The following NME8 variants were observed in gnomAD, a reference collection of about 807,000 sequenced individuals.
NME8 encodes NME/NM23 family member 8.
Under a neutral mutation model 82.3 loss-of-function variants are expected in NME8, and 72 were observed. The observed-to-expected ratio is 0.87, with a 90% CI of 0.72 to 1.06. NME8 has a LOEUF of 1.06. Ranked by LOEUF, NME8 falls within the 50% of genes least tolerant of loss-of-function variation. NME8 has a pLI of 0.00. For synonymous variants in NME8, 267 were observed against 228.5 expected, an observed-to-expected ratio of 1.17 and a Z score of -1.52; for missense variants, 712 against 685.4, an observed-to-expected ratio of 1.04 and a Z score of -0.43.
intron 12 of NME8, among the ~76,000 whole-genome samples, chr7:37,882,568 A>AAAGG (rs1784966196): frequency 5.9e-5 from 2 of 34,018 alleles, no homozygotes; most frequent in Non-Finnish European, 1.3e-4. Context: ...AGAAAGAAAG[A>AAAGG]AAGAAAGAAA....
At chr7:37,895,693 T>C (rs1190665883) in intron 16 of NME8, among the ~76,000 whole-genome samples, 1 of 152,048 alleles carries the variant, frequency 6.6e-6, no homozygotes, top group Non-Finnish European at 1.5e-5. Context: ...TGTACAGCAG[T>C]AGTCCCATAA....
Position 37,897,004 on chromosome 7 carries a change from A to G in NME8, c.1679A>G (p.Lys560Arg), listed in dbSNP as rs370675334. The G allele has an allele frequency of 6.2e-7, 1 of 1,613,978 alleles. No individual in the cohort carries two copies. The highest frequency in any genetic ancestry group is 1.7e-5 in the Admixed American group (1 of 59,974). ...DSIRAQFGIS[K>R]LKNIVHGASN... ...ATCCGAGCCCAGTTTGGAATAAGTA[A>G]ATTGAAAAACATTGTCCATGGAGCA... Residue 560 changes from lysine to arginine, a missense_variant, in exon 17 of 18, where the codon AAA becomes AGA. Transcript: ENST00000199447.
In NME8 at chr7:37,882,613, GAGAA is replaced by G. The variant is rs1170328713; in HGVS notation, c.995-1662_995-1659del. Among the ~76,000 whole-genome samples the G allele has an allele frequency of 6.6e-3, 565 of 84,996 alleles. 9 individuals are homozygous for G. The highest frequency in any genetic ancestry group is 0.019 in the African/African-American group (517 of 27,650). The allele number at this position is 84,996 out of a possible 152,430, so 55.8% of individuals were successfully genotyped here. A position where few individuals can be genotyped will look rare whatever the true frequency, so the allele number is the denominator to read the frequency against. ...AAAGAAAGAAAGAGAGAGAGAGAGA[GAGAA>G]AGAAAGAAAGAAAGAAAGAAAGAAA... is the stretch of plus-strand genomic sequence containing the variant. On this transcript the variant is annotated intron_variant, in intron 12 of 17. Transcript: ENST00000199447.
chr7:37,871,248 T>C (rs764490689), intron 11 of NME8, among the ~76,000 whole-genome samples: 1 of 152,058 alleles, frequency 6.6e-6, no homozygotes, highest in Non-Finnish European at 1.5e-5. Context: ...GGGGAAACTC[T>C]CTCCATGCCA....
intron 11 of NME8, among the ~76,000 whole-genome samples, chr7:37,870,999 T>C (rs1046433732): frequency 6.6e-6 from 1 of 152,164 alleles, no homozygotes; most frequent in Non-Finnish European, 1.5e-5. Flanking sequence ...ATGCGTAATT[T>C]ATTCAGTTGT....
In NME8 at chr7:37,882,603, GAGAGAGAGAGAGAA is replaced by G. The variant is rs1338752846; in HGVS notation, c.995-1696_995-1683del. ...AGAAAGAAAGAAAGAAAGAAAGAGA[GAGAGAGAGAGAGAA>G]AGAAAGAAAGAAAGAAAGAAAGAAA... On this transcript the variant is annotated intron_variant, in intron 12 of 17. Transcript: ENST00000199447. Among the ~76,000 whole-genome samples, 87 of 36,052 alleles carry G rather than the reference GAGAGAGAGAGAGAA, an allele frequency of 2.4e-3. 2 individuals are homozygous for G. The highest frequency in any genetic ancestry group is 5.5e-3 in the African/African-American group (82 of 14,904). 23.7% of individuals were successfully genotyped at this position (36,052 alleles called of 152,430 possible).
intron 12 of NME8, among the ~76,000 whole-genome samples, chr7:37,882,623 G>A (rs1401941293): frequency 1.1e-5 from 1 of 94,622 alleles, no homozygotes; most frequent in African/African-American, 3.4e-5. Flanking sequence ...GAGAAAGAAA[G>A]AAAGAAAGAA....
At chr7:37,866,636 A>C (rs1260919128) in intron 10 of NME8, among the ~76,000 whole-genome samples, 1 of 152,216 alleles carries the variant, frequency 6.6e-6, no homozygotes, top group East Asian at 1.9e-4. Flanking sequence ...AACTTCTGCC[A>C]CTTAAAAATG....
At chr7:37,857,247 A>G (rs751423260) in intron 5 of NME8, 27 bp from the exon 6 acceptor site, 13 of 1,527,478 alleles carry the variant, frequency 8.5e-6, no homozygotes, top group Admixed American at 6.7e-5. Flanking sequence ...TTTATTTATT[A>G]TTATATGAAA....
rs1170478165 is a variant in NME8 at position 37,850,289 on chromosome 7, T to A, written c.23T>A (p.Val8Asp). 1.4e-5 allele frequency: 22 copies of A among 1,614,036 alleles called. No individual in the cohort carries two copies. Among genetic ancestry groups the A allele is most frequent in the Non-Finnish European group, 1.7e-5 (20 of 1,179,980 alleles). Residue 8 changes from valine to aspartate, a missense_variant, in exon 3 of 18, where the codon GTC becomes GAC. Physicochemically the swap from Val to Asp is radical, Grantham distance 152. Transcript: ENST00000199447. MASKKRE[V>D]QLQTVINNQS... Reference sequence around the variant, plus strand: ...TAAATGGCAAGCAAAAAACGAGAAGTCCAGTTACAGGTGGGTCTGACATAT... The same window carrying A: ...TAAATGGCAAGCAAAAAACGAGAAGACCAGTTACAGGTGGGTCTGACATAT...
At chr7:37,888,449 G>A in intron 15 of NME8, 21 bp downstream of exon 15, 1 of 1,601,622 alleles carries the variant, frequency 6.2e-7, no homozygotes, top group Non-Finnish European at 8.5e-7. Flanking sequence ...AAGAATAAAA[G>A]TGAATGTATA....
rs1441166335 is a variant in NME8, at chr7:37,896,981, C to T, written c.1656C>T (p.Ile552=). 4.3e-6 allele frequency: 7 copies of T among 1,613,780 alleles called. No individual in the cohort carries two copies. The highest frequency in any genetic ancestry group is 5.1e-6 in the Non-Finnish European group (6 of 1,179,878). ...EEAKLLSPDS[I]RAQFGISKLK... ...CAAAATTACTTTCCCCTGACTCCAT[C>T]CGAGCCCAGTTTGGAATAAGTAAAT... Residue 552 remains isoleucine, a synonymous_variant, in exon 17 of 18, where the codon ATC becomes ATT. Transcript: ENST00000199447.
chr7:37,891,166 A>G lies in NME8; in HGVS notation c.1399+2738A>G, dbSNP rs1052759608. Among the ~76,000 whole-genome samples the G allele has an allele frequency of 1.1e-4, 16 of 152,068 alleles. No homozygotes were observed. The South Asian group carries it at 2.1e-3, about 20-fold the overall frequency. On this transcript the variant is annotated intron_variant, in intron 15 of 17. Transcript: ENST00000199447. The stretch of plus-strand genomic sequence containing the variant: ...TGCTATTGAGTTTAGTTCCTTATAT[A>G]TGCTGTATATTAACCTTTTGTCAGA...
rs553307794 is a variant in NME8 at position 37,861,616 on chromosome 7, T to C, written c.271-412T>C. 8.5e-5 allele frequency among the ~76,000 whole-genome samples: 13 copies of C among 152,308 alleles called. No individual in the cohort carries two copies. The South Asian group carries it at 2.5e-3, about 29-fold the overall frequency. ...ACCATTGTGCCTGGTACGGCACCAG[T>C]AAACAGATGCTTAGTAAACAGGTGT... On this transcript the variant is annotated intron_variant, in intron 6 of 17. Transcript: ENST00000199447.
intron 14 of NME8, among the ~76,000 whole-genome samples, chr7:37,887,238 A>G (rs1399833804): frequency 1.3e-5 from 2 of 152,176 alleles, no homozygotes; most frequent in Non-Finnish European, 2.9e-5. Flanking sequence ...ATGGTCTGGT[A>G]TTATCAGCAT....
chr7:37,860,650 TCAC>T (rs2131946058), intron 6 of NME8, among the ~76,000 whole-genome samples: 1 of 152,322 alleles, frequency 6.6e-6, no homozygotes, highest in East Asian at 1.9e-4. Context: ...ACAGTTTCAA[TCAC>T]CACCATCTGT....
rs1310907867 is a variant in NME8, at chr7:37,894,472, T to C, written c.1406T>C (p.Ile469Thr). Residue 469 changes from isoleucine (I) to threonine (T), a missense_variant, in exon 16 of 18, where the codon ATC (isoleucine) becomes ACC (threonine). Physicochemically the swap from Ile to Thr is moderately conservative, Grantham distance 89. Coordinates refer to ENST00000199447, the MANE Select transcript of NME8 (RefSeq NM_016616.5). Reference protein sequence around the residue: ...PHATSEQREQILKIVKEAGFD... With the variant: ...PHATSEQREQTLKIVKEAGFD... ...AAATATTTGTTTTTCTTAGAGCAGA[T>C]CCTGAAGATAGTTAAGGAGGCTGGA... 1.2e-6 allele frequency: 2 copies of C among 1,612,838 alleles called. No homozygotes were observed. The highest frequency in any genetic ancestry group is 8.5e-7 in the Non-Finnish European group (1 of 1,179,146).
chr7:37,884,174 T>A, intron 12 of NME8, 129 bp from the exon 13 acceptor site: 1 of 677,356 alleles, frequency 1.5e-6, no homozygotes, highest in Non-Finnish European at 2.6e-6. Context: ...AGAAGGTATT[T>A]CTGCAAACTT....
intron 12 of NME8, among the ~76,000 whole-genome samples, chr7:37,883,962 T>TACAC (rs370823045): frequency 3.2e-4 from 26 of 82,236 alleles, no homozygotes; most frequent in Admixed American, 9.1e-4. Context: ...GGTTACTGTC[T>TACAC]ACACACACAC....
Sources: allele counts gnomAD v4.1 joint callset (sites outside exome capture counted in the v4.1 genomes callset), GRCh38; gene constraint gnomAD v4.1.1; transcripts MANE v1.5; gene names NCBI Gene and HGNC (gene_info 2026-07-23, HGNC 2026-07-21).